Variants in GPATCH2L observed in about 807,000 individuals in gnomAD.
GPATCH2L encodes G-patch domain containing 2 like.
GPATCH2L carries 31 observed loss-of-function variants against 57.4 expected under a neutral mutation model. The observed-to-expected ratio is 0.54, with a 90% CI of 0.41 to 0.73. The LOEUF is 0.73. Among genes scored for constraint, GPATCH2L ranks in the 30% least tolerant of loss-of-function variants. The pLI is 0.00. For missense variants in GPATCH2L, 481 were observed against 599.9 expected, an observed-to-expected ratio of 0.80 and a Z score of 2.07; for synonymous variants, 199 against 210.7, an observed-to-expected ratio of 0.94 and a Z score of 0.48.
chr14:76,152,588 C>A (rs971646013), intron 1 of GPATCH2L: 4 of 449,818 alleles, frequency 8.9e-6, no homozygotes, highest in South Asian at 6.2e-5. Flanking sequence ...CGGGTGCGTG[C>A]CTGGCCGCCG....
intron 1 of GPATCH2L, among the ~76,000 whole-genome samples, chr14:76,224,207 G>A (rs183951291): frequency 2.0e-5 from 3 of 152,258 alleles, no homozygotes; most frequent in South Asian, 2.1e-4. Flanking sequence ...TTGCAGACAG[G>A]CAGTAGATTA....
intron 8 of GPATCH2L, among the ~76,000 whole-genome samples, chr14:76,184,472 C>G (rs2039694849): frequency 6.6e-6 from 1 of 151,612 alleles, no homozygotes; most frequent in African/African-American, 2.4e-5. Context: ...GAACCATATG[C>G]CCTTCTGGTT....
At chr14:76,188,626 T>A (rs1478615702) in intron 8 of GPATCH2L, among the ~76,000 whole-genome samples, 2 of 151,528 alleles carry the variant, frequency 1.3e-5, no homozygotes, top group East Asian at 3.8e-4. Context: ...AATGGGTAGT[T>A]TGCAGATATT....
At chr14:76,177,697 G>GT (rs137962368) in intron 6 of GPATCH2L, among the ~76,000 whole-genome samples, 332 of 127,064 alleles carry the variant, frequency 2.6e-3, no homozygotes, top group East Asian at 3.9e-3. Context: ...CTTTGAAGAG[G>GT]TTTTTTTTTG....
Position 76,152,002 on chromosome 14 carries a change from G to C in GPATCH2L, c.-11+11G>C, listed in dbSNP as rs375422103. On this transcript the variant is annotated intron_variant, in intron 1 of 9. Coordinates refer to ENST00000261530, the MANE Select transcript of GPATCH2L (RefSeq NM_017926.4). ...TGGCTGCGGCAGCTGGTGAGGGGGAGGAATGGGTTGAGAGTGTTGGGGTCC... is the reference window on the plus strand; with the variant it reads ...TGGCTGCGGCAGCTGGTGAGGGGGACGAATGGGTTGAGAGTGTTGGGGTCC... The C allele has an allele frequency of 8.3e-3, 1,271 of 153,894 alleles. 9 individuals carry two copies. Among genetic ancestry groups the C allele is most frequent in the Non-Finnish European group, 0.013 (907 of 69,312 alleles). 9.5% of individuals were successfully genotyped at this position (153,894 alleles called of 1,614,324 possible). A position where few individuals can be genotyped will look rare whatever the true frequency, so the allele number is the denominator to read the frequency against.
intron 2 of GPATCH2L, among the ~76,000 whole-genome samples, chr14:76,231,645 A>ACACACG (rs1461427538): frequency 6.6e-6 from 1 of 151,550 alleles, no homozygotes; most frequent in African/African-American, 2.4e-5. Context: ...ACACACACAC[A>ACACACG]CACACTCTTC....
At chr14:76,219,985 G>A (rs917551677) in intron 1 of GPATCH2L, among the ~76,000 whole-genome samples, 16 of 152,170 alleles carry the variant, frequency 1.1e-4, no homozygotes, top group African/African-American at 3.4e-4. Flanking sequence ...GCTTTGATTC[G>A]TTTCTGTTAT....
rs895878482 is a variant in GPATCH2L at position 76,214,131 on chromosome 14, A to G, written c.*12280A>G. The G allele has an allele frequency of 1.3e-5, 2 of 152,162 alleles. No homozygotes were observed. Among genetic ancestry groups the G allele is most frequent in the African/African-American group, 4.8e-5 (2 of 41,436 alleles). The allele number at this position is 152,162 out of a possible 1,614,324, so 9.4% of individuals were successfully genotyped here. A position where few individuals can be genotyped will look rare whatever the true frequency, so the allele number is the denominator to read the frequency against. ...TGTCTAAATTCATTTTTTAAGGTAC[A>G]TTGGTATTTTATTGATATTATATGA... On this transcript the variant is annotated 3_prime_UTR_variant, in exon 10 of 10. Transcript: ENST00000261530.
chr14:76,182,951 C>A (rs1228262736), intron 8 of GPATCH2L, among the ~76,000 whole-genome samples: 1 of 152,138 alleles, frequency 6.6e-6, no homozygotes, highest in Non-Finnish European at 1.5e-5. Flanking sequence ...GTCTTAATAC[C>A]AAATAAAATA....
chr14:76,168,360 G>A (rs1020309181), intron 3 of GPATCH2L, among the ~76,000 whole-genome samples: 3 of 152,192 alleles, frequency 2.0e-5, no homozygotes, highest in African/African-American at 4.8e-5. Flanking sequence ...GAGTGATATT[G>A]GATATATTAG....
chr14:76,170,499 C>G (rs2039036590), intron 3 of GPATCH2L: 1 of 152,104 alleles, frequency 6.6e-6, no homozygotes, highest in Non-Finnish European at 1.5e-5. Context: ...TGTGACTTTG[C>G]TGTTAATTAA....
intron 4 of GPATCH2L, 57 bp from the exon 5 acceptor site, chr14:76,173,487 CAT>C (rs2039178866): frequency 1.8e-6 from 2 of 1,081,104 alleles, no homozygotes; most frequent in South Asian, 1.4e-5. Context: ...GTACTAGAAA[CAT>C]AGGATTGCAT....
chr14:76,190,299 C>G (rs560115434), intron 8 of GPATCH2L, among the ~76,000 whole-genome samples: 103 of 152,170 alleles, frequency 6.8e-4, no homozygotes, highest in African/African-American at 2.3e-3. Context: ...TTAATTTCAG[C>G]ATTCACCTTC....
At chr14:76,215,372 T>C (rs1013784211), downstream of GPATCH2L, among the ~76,000 whole-genome samples, 2 of 151,972 alleles carry the variant, frequency 1.3e-5, no homozygotes. Context: ...TCCTCAGGGA[T>C]CTAGAACTAG....
chr14:76,164,808 G>T (rs1416636936), intron 2 of GPATCH2L, among the ~76,000 whole-genome samples: 1 of 152,178 alleles, frequency 6.6e-6, no homozygotes, highest in Non-Finnish European at 1.5e-5. Context: ...GCTAACAGTG[G>T]ACAAGAGGGT....
rs1456253127 is a variant in GPATCH2L, at chr14:76,180,818, C to T, written c.1162C>T (p.Arg388Ter). ...SLDVLADASHRRCSPAHCSAR... is the reference protein window; with the variant it reads ...SLDVLADASH ...GGATGTTCTTGCCGATGCTTCTCAC[C>T]GAAGGTGTTCACCAGCACACTGCTC... The change falls in exon 8 of 10, where the codon CGA (arginine) becomes TGA (stop). Residue 388 changes from arginine to a stop codon, truncating the protein, a stop_gained. Transcript: ENST00000261530. LOFTEE classifies it high-confidence loss of function. 5.0e-6 allele frequency: 8 copies of T among 1,612,780 alleles called. No homozygotes were observed. The highest frequency in any genetic ancestry group is 2.2e-5 in the South Asian group (2 of 91,058).
chr14:76,228,241 A>C (rs2040544542), intron 1 of GPATCH2L, among the ~76,000 whole-genome samples: 1 of 151,836 alleles, frequency 6.6e-6, no homozygotes. Flanking sequence ...AGGAACAAAA[A>C]TTCCCCTTTC....
chr14:76,196,073 G>C (rs1441011395), intron 9 of GPATCH2L, 101 bp downstream of exon 9: 2 of 908,856 alleles, frequency 2.2e-6, no homozygotes, highest in Non-Finnish European at 3.6e-6. Context: ...GATAGTGTAG[G>C]TCATTTTATT....
intron 1 of GPATCH2L, among the ~76,000 whole-genome samples, chr14:76,223,234 T>C: frequency 1.3e-5 from 2 of 152,254 alleles, no homozygotes; most frequent in Middle Eastern, 6.8e-3. Context: ...CTTATAAATA[T>C]CTTAAAGAAA....
Sources: gnomAD v4.1 joint callset for allele counts (sites outside exome capture counted in the v4.1 genomes callset) on GRCh38, gnomAD v4.1.1 for gene constraint, MANE v1.5 for transcripts, NCBI Gene and HGNC (gene_info 2026-07-23, HGNC 2026-07-21) for gene names.